TIAM1: variants seen among roughly 807,000 people sequenced by gnomAD.
TIAM1 encodes TIAM Rac1 associated GEF 1.
In TIAM1, 65 loss-of-function variants were observed where a neutral mutation model predicts 163.5. The ratio of observed to expected loss-of-function variants is 0.40; its 90% confidence interval spans 0.33 to 0.49. The LOEUF (loss-of-function observed/expected upper bound fraction) is 0.49, where lower values mean the gene tolerates loss of function less well. Ranked by LOEUF, TIAM1 falls within the 20% of genes least tolerant of loss-of-function variation. TIAM1 has a pLI of 0.77. For synonymous variants in TIAM1, 833 were observed against 810.1 expected, an observed-to-expected ratio of 1.03 and a Z score of -0.48; for missense variants, 1,789 against 2,044.7, an observed-to-expected ratio of 0.87 and a Z score of 2.41.
rs150244552 is a variant in TIAM1 at position 31,291,527 on chromosome 21, A to G, written c.-188-14619T>C. ...CATGCCTTTATTTATTTATTTGTTTATTTATTTATTTATTGAGATGGAGTC... is the reference window on the plus strand; with the variant it reads ...CATGCCTTTATTTATTTATTTGTTTGTTTATTTATTTATTGAGATGGAGTC... On this transcript the variant is annotated intron_variant, in intron 2 of 27. Coordinates refer to ENST00000541036, the MANE Select transcript of TIAM1 (RefSeq NM_001353694.2). 4.2e-4 allele frequency among the ~76,000 whole-genome samples: 64 copies of G among 152,104 alleles called. No homozygotes were observed. In the East Asian group the frequency reaches 0.011, roughly 25 times the overall value.
intron 20 of TIAM1, among the ~76,000 whole-genome samples, chr21:31,144,383 A>G (rs959673081): frequency 3.3e-4 from 51 of 152,374 alleles, no homozygotes; most frequent in African/African-American, 1.2e-3. Context: ...ACTGAATTCC[A>G]TATCAGAGCA....
At chr21:31,139,696 G>T (rs73899661) in intron 22 of TIAM1, among the ~76,000 whole-genome samples, 1 of 152,188 alleles carries the variant, frequency 6.6e-6, no homozygotes. Context: ...TACTCTGATA[G>T]ATTAAATTAC....
intron 2 of TIAM1, among the ~76,000 whole-genome samples, chr21:31,287,003 T>C (rs976828233): frequency 7.2e-5 from 11 of 152,242 alleles, no homozygotes; most frequent in African/African-American, 2.7e-4. Flanking sequence ...TTCACAGTTA[T>C]ACAATTAAGA....
chr21:31,246,438 A>G (rs2071506091), intron 5 of TIAM1, among the ~76,000 whole-genome samples: 1 of 152,188 alleles, frequency 6.6e-6, no homozygotes, highest in Non-Finnish European at 1.5e-5. Flanking sequence ...GCTCACTTTA[A>G]TAGCAATTAT....
intron 1 of TIAM1, among the ~76,000 whole-genome samples, chr21:31,555,810 A>C (rs1222677457): frequency 6.6e-6 from 1 of 152,168 alleles, no homozygotes; most frequent in Non-Finnish European, 1.5e-5. Flanking sequence ...CAGAAGTGTT[A>C]ATACATGCAC....
At chr21:31,394,728 T>TCTCTCACACACACACA (rs1279053911) in intron 2 of TIAM1, among the ~76,000 whole-genome samples, 1 of 95,704 alleles carries the variant, frequency 1.0e-5, no homozygotes, top group Non-Finnish European at 2.1e-5. Context: ...TCTCTCTCTC[T>TCTCTCACACACACACA]CACACACACA....
At chr21:31,387,261 C>T (rs1336570310) in intron 2 of TIAM1, among the ~76,000 whole-genome samples, 3 of 128,590 alleles carry the variant, frequency 2.3e-5, no homozygotes, top group African/African-American at 9.1e-5. Flanking sequence ...TCGCTCGTGT[C>T]GTCCAGGCTG....
intron 14 of TIAM1, 55 bp downstream of exon 14, chr21:31,186,946 A>T (rs2085333291): frequency 6.9e-7 from 1 of 1,448,304 alleles, no homozygotes. Flanking sequence ...CAAAAACTAG[A>T]GAAGCCCCAA....
chr21:31,219,832 A>G (rs1293256327), intron 8 of TIAM1, among the ~76,000 whole-genome samples: 2 of 152,240 alleles, frequency 1.3e-5, no homozygotes, highest in Non-Finnish European at 2.9e-5. Context: ...ATCTTAATCT[A>G]AGATTACACC....
chr21:31,469,850 A>C (rs553185901), intron 1 of TIAM1, among the ~76,000 whole-genome samples: 29 of 151,656 alleles, frequency 1.9e-4, no homozygotes, highest in East Asian at 1.4e-3. Flanking sequence ...AACAAACAAA[A>C]AAAAAATCAA....
intron 1 of TIAM1, among the ~76,000 whole-genome samples, chr21:31,529,602 C>T (rs1401879440): frequency 1.3e-5 from 2 of 152,196 alleles, no homozygotes; most frequent in Non-Finnish European, 2.9e-5. Flanking sequence ...GTCAGGGCTA[C>T]CTGCCCAGTT....
intron 2 of TIAM1, among the ~76,000 whole-genome samples, chr21:31,368,679 A>G (rs569652680): frequency 1.7e-4 from 26 of 152,342 alleles, no homozygotes; most frequent in African/African-American, 6.0e-4. Context: ...CAGTATACTT[A>G]TATTTGTAAG....
In TIAM1 at chr21:31,388,212, A is replaced by AACACACACAC. The variant is rs11369323; in HGVS notation, c.-368-48800_-368-48791dup. On this transcript the variant is annotated intron_variant, in intron 2 of 28. Coordinates refer to the TIAM1 transcript ENST00000286827. ...TCTTTATCCAACGCAAGAAGACCCTAACACACACACACACACACACACACA... is the reference window on the plus strand; with the variant it reads ...TCTTTATCCAACGCAAGAAGACCCTAACACACACACACACACACACACACACACACACACA... 5.2e-3 allele frequency among the ~76,000 whole-genome samples: 601 copies of AACACACACAC among 115,920 alleles called. 4 individuals are homozygous for AACACACACAC. Among genetic ancestry groups the AACACACACAC allele is most frequent in the African/African-American group, 0.014 (425 of 29,626 alleles). 76.0% of individuals were successfully genotyped at this position (115,920 alleles called of 152,430 possible). A position where few individuals can be genotyped will look rare whatever the true frequency, so the allele number is the denominator to read the frequency against.
chr21:31,280,597 T>C (rs2073505338), intron 2 of TIAM1, among the ~76,000 whole-genome samples: 1 of 151,302 alleles, frequency 6.6e-6, no homozygotes, highest in Admixed American at 6.6e-5. Flanking sequence ...CACAGGAAAA[T>C]GTGTGTACTG....
At chr21:31,522,722 C>T (rs1213104748) in intron 1 of TIAM1, among the ~76,000 whole-genome samples, 2 of 152,124 alleles carry the variant, frequency 1.3e-5, no homozygotes, top group South Asian at 2.1e-4. Flanking sequence ...GCCCATCTGT[C>T]CAACCGAAGC....
intron 16 of TIAM1, among the ~76,000 whole-genome samples, chr21:31,156,123 G>A (rs987738874): frequency 8.5e-5 from 13 of 152,192 alleles, no homozygotes; most frequent in Non-Finnish European, 1.9e-4. Flanking sequence ...ATCCAAAAGG[G>A]AAGGAAGTCT....
chr21:31,274,177 T>C (rs1001535118), intron 3 of TIAM1, among the ~76,000 whole-genome samples: 2 of 152,066 alleles, frequency 1.3e-5, no homozygotes, highest in African/African-American at 4.8e-5. Context: ...ATCGTGCCAC[T>C]GCACTCCAGC....
intron 14 of TIAM1, among the ~76,000 whole-genome samples, chr21:31,186,280 G>C (rs1332445064): frequency 6.6e-6 from 1 of 152,200 alleles, no homozygotes; most frequent in Admixed American, 6.5e-5. Flanking sequence ...ATTCTTCTAT[G>C]AACGGAAGCA....
intron 1 of TIAM1, among the ~76,000 whole-genome samples, chr21:31,524,972 C>G (rs991957866): frequency 1.3e-5 from 2 of 152,010 alleles, no homozygotes; most frequent in African/African-American, 4.8e-5. Context: ...ATGGCAGCAA[C>G]ATCTGCTTCT....
Sources: gnomAD v4.1 joint callset for allele counts (sites outside exome capture counted in the v4.1 genomes callset) on GRCh38, gnomAD v4.1.1 for gene constraint, MANE v1.5 for transcripts, NCBI Gene and HGNC (gene_info 2026-07-23, HGNC 2026-07-21) for gene names.